TLNRD1: variants seen among roughly 807,000 people sequenced by gnomAD.
TLNRD1 encodes the protein talin rod domain containing 1.
TLNRD1 carries 14 observed loss-of-function variants against 19.5 expected under a neutral mutation model. The ratio of observed to expected loss-of-function variants is 0.72; its 90% CI spans 0.47 to 1.12. The LOEUF (loss-of-function observed/expected upper bound fraction) is 1.12. TLNRD1 is among the 50% of genes most tolerant of loss of function. The probability of loss-of-function intolerance (pLI) is 0.00; values close to 1 mark genes in which losing one functional copy is unlikely to be tolerated. For missense variants in TLNRD1, 569 were observed against 531.9 expected, an observed-to-expected ratio of 1.07 and a Z score of -0.69; for synonymous variants, 345 against 261.7, an observed-to-expected ratio of 1.32 and a Z score of -3.07.
At position 81,002,851 on chromosome 15, in the gene TLNRD1, C is replaced by T. The variant is rs750944779; in HGVS notation, c.580C>T (p.Leu194=). 5 of 1,595,282 alleles carry T rather than the reference C, an allele frequency of 3.1e-6. No individual in the cohort carries two copies. The highest frequency in any genetic ancestry group is 3.3e-5 in the Admixed American group (2 of 59,764). Residue 194 remains leucine (L), a synonymous_variant, in exon 1 of 1, where the codon CTG becomes TTG. Transcript: ENST00000267984. ...GGGCCTGTCGCGCAACCTCAAGTTC[C>T]TGACGGACGCGTGCGCCCTGGCCAG... ...SQGLSRNLKF[L]TDACALASDK... is the part of the protein sequence containing the mutation.
Position 81,005,283 on chromosome 15 carries a change from A to G in TLNRD1, c.*1923A>G, listed in dbSNP as rs1428162727. ...GATGAAAATGACCTTGAGCATCTTT[A>G]TTCCTTTCCTCTGCCCCTTAATGTT... On this transcript the variant is annotated 3_prime_UTR_variant, in exon 1 of 1. Transcript: ENST00000267984. 1 of 167,110 alleles carries G rather than the reference A, an allele frequency of 6.0e-6. No individual in the cohort carries two copies. Among genetic ancestry groups the G allele is most frequent in the Non-Finnish European group, 1.5e-5 (1 of 68,116 alleles). 10.4% of individuals were successfully genotyped at this position (167,110 alleles called of 1,614,324 possible). A position where few individuals can be genotyped will look rare whatever the true frequency, so the allele number is the denominator to read the frequency against.
chr15:81,002,161 ACCG>A lies in TLNRD1; in HGVS notation c.-109_-107del. The A allele has an allele frequency of 8.8e-7, 1 of 1,135,046 alleles. No homozygotes were observed. The highest frequency in any genetic ancestry group is 1.6e-5 in the African/African-American group (1 of 61,698). The allele number at this position is 1,135,046 out of a possible 1,614,324, so 70.3% of individuals were successfully genotyped here. On this transcript the variant is annotated 5_prime_UTR_variant, in exon 1 of 1. Transcript: ENST00000267984. Reference sequence around the variant, plus strand: ...GATGGCATGATGGTGCGGGGAAGGCACCGCGGCCTTGGCCAGCTGAGTCGCGAC... The same window carrying A: ...GATGGCATGATGGTGCGGGGAAGGCACGGCCTTGGCCAGCTGAGTCGCGAC...
chr15:81,002,162 C>T lies in TLNRD1; in HGVS notation c.-110C>T, dbSNP rs1893420865. 4.4e-6 allele frequency: 5 copies of T among 1,146,096 alleles called. No homozygotes were observed. Among genetic ancestry groups the T allele is most frequent in the Non-Finnish European group, 5.4e-6 (5 of 919,924 alleles). 71.0% of individuals were successfully genotyped at this position (1,146,096 alleles called of 1,614,324 possible). A position where few individuals can be genotyped will look rare whatever the true frequency, so the allele number is the denominator to read the frequency against. On this transcript the variant is annotated 5_prime_UTR_variant, in exon 1 of 1. Transcript: ENST00000267984. ...ATGGCATGATGGTGCGGGGAAGGCA[C>T]CGCGGCCTTGGCCAGCTGAGTCGCG...
rs2141827750 is a variant in TLNRD1, at chr15:81,003,632, AGCCC to A, written c.*274_*277del. 1.1e-5 allele frequency: 4 copies of A among 365,162 alleles called. No individual in the cohort carries two copies. In the East Asian group the frequency reaches 1.8e-4, roughly 16 times the overall value. The allele number at this position is 365,162 out of a possible 1,614,324, so 22.6% of individuals were successfully genotyped here. A position where few individuals can be genotyped will look rare whatever the true frequency, so the allele number is the denominator to read the frequency against. On this transcript the variant is annotated 3_prime_UTR_variant, in exon 1 of 1. Coordinates refer to ENST00000267984, the MANE Select transcript of TLNRD1 (RefSeq NM_022566.3). ...TGTTATCACTCCCACCCCCTACCCC[AGCCC>A]GTCTTCCGGAATTTCTCAACTAAAT...
In TLNRD1 at chr15:81,002,839, A is replaced by T. The variant is rs370565639; in HGVS notation, c.568A>T (p.Asn190Tyr). The T allele has an allele frequency of 6.3e-6, 10 of 1,593,270 alleles. No homozygotes were observed. Residue 190 changes from asparagine (N) to tyrosine (Y), a missense_variant, in exon 1 of 1, where the codon AAC becomes TAC. Physicochemically the swap from Asn to Tyr is moderately radical, Grantham distance 143. Coordinates refer to ENST00000267984, the MANE Select transcript of TLNRD1 (RefSeq NM_022566.3). ...GGAGGTGTCGCAGGGCCTGTCGCGCAACCTCAAGTTCCTGACGGACGCGTG... is the reference window on the plus strand; with the variant it reads ...GGAGGTGTCGCAGGGCCTGTCGCGCTACCTCAAGTTCCTGACGGACGCGTG... ...LLEVSQGLSR[N>Y]LKFLTDACAL...
In TLNRD1 at chr15:81,004,508, G is replaced by C. The variant is rs1232217329; in HGVS notation, c.*1148G>C. 2 of 167,004 alleles carry C rather than the reference G, an allele frequency of 1.2e-5. No individual in the cohort carries two copies. The highest frequency in any genetic ancestry group is 2.9e-5 in the Non-Finnish European group (2 of 68,120). The allele number at this position is 167,004 out of a possible 1,614,324, so 10.3% of individuals were successfully genotyped here. On this transcript the variant is annotated 3_prime_UTR_variant, in exon 1 of 1. Transcript: ENST00000267984. ...ATAGTTAGCATCTTTTATGTACACA[G>C]GTCTATTCAGACAAGATCCTCATGA...
At position 81,004,426 on chromosome 15, in the gene TLNRD1, C is replaced by G. The variant is rs1261290878; in HGVS notation, c.*1066C>G. On this transcript the variant is annotated 3_prime_UTR_variant, in exon 1 of 1. Coordinates refer to ENST00000267984, the MANE Select transcript of TLNRD1 (RefSeq NM_022566.3). ...ATCCTAATCCTGTGTGGTATGCCAG[C>G]CTTCCCAACTCAGAGTCTCTGGATG... 6.0e-6 allele frequency: 1 copy of G among 167,044 alleles called. No homozygotes were observed. Among genetic ancestry groups the G allele is most frequent in the Admixed American group, 6.5e-5 (1 of 15,280 alleles). The allele number at this position is 167,044 out of a possible 1,614,324, so 10.3% of individuals were successfully genotyped here.
Position 81,002,003 on chromosome 15 carries a change from C to T in TLNRD1, c.-269C>T, listed in dbSNP as rs112982370. 1,818 of 260,298 alleles carry T rather than the reference C, an allele frequency of 7.0e-3. 34 individuals are homozygous for T. Among genetic ancestry groups the T allele is most frequent in the African/African-American group, 0.037 (1,658 of 44,366 alleles). 16.1% of individuals were successfully genotyped at this position (260,298 alleles called of 1,614,324 possible). ...TGCCCCGGTTCATGGTTCCTGCAAG[C>T]CCTCTAGGAGGCCGAAAGCTGCAGC... On this transcript the variant is annotated 5_prime_UTR_variant, in exon 1 of 1. Transcript: ENST00000267984.
rs1415973078 is a variant in TLNRD1, at chr15:81,002,524, C to G, written c.253C>G (p.Arg85Gly). 6.8e-7 allele frequency: 1 copy of G among 1,469,332 alleles called. No homozygotes were observed. The highest frequency in any genetic ancestry group is 1.5e-5 in the African/African-American group (1 of 68,240). The allele number at this position is 1,469,332 out of a possible 1,614,324, so 91.0% of individuals were successfully genotyped here. Residue 85 changes from arginine (R) to glycine (G), a missense_variant, in exon 1 of 1, where the codon CGC (arginine) becomes GGC (glycine). Transcript: ENST00000267984. ...GCAGTGCCGGGACACCATCATCGCG[C>G]GCACCAAGGGGCTCTCCATCCTCAC... ...FEQCRDTIIA[R>G]TKGLSILTHD...
Sources: gnomAD v4.1 joint callset for allele counts on GRCh38, gnomAD v4.1.1 for gene constraint, MANE v1.5 for transcripts, NCBI Gene and HGNC (gene_info 2026-07-23, HGNC 2026-07-21) for gene names.